Variants in XYLT1 observed in about 807,000 individuals in gnomAD.
XYLT1 encodes xylosyltransferase 1.
In XYLT1, 36 loss-of-function variants were observed where a neutral mutation model predicts 91.3. The ratio of observed to expected loss-of-function variants is 0.39; its 90% confidence interval spans 0.30 to 0.52. XYLT1 has a LOEUF of 0.52. Among genes scored for constraint, XYLT1 ranks in the 20% least tolerant of loss-of-function variants. The pLI, the probability that XYLT1 is intolerant of heterozygous loss-of-function variation, is 0.68. For missense variants in XYLT1, 1,242 were observed against 1,284.5 expected, an observed-to-expected ratio of 0.97 and a Z score of 0.51; for synonymous variants, 588 against 532.0, an observed-to-expected ratio of 1.11 and a Z score of -1.45.
Position 17,248,635 on chromosome 16 carries a change from C to CAAGCT in XYLT1, c.913+10352_913+10353insAGCTT, listed in dbSNP as rs1217009870. Among the ~76,000 whole-genome samples, 39 of 152,248 alleles carry CAAGCT rather than the reference C, an allele frequency of 2.6e-4. No individual in the cohort carries two copies. In the East Asian group the frequency reaches 3.1e-3, roughly 12 times the overall value. On this transcript the variant is annotated intron_variant, in intron 3 of 11. Coordinates refer to ENST00000261381, the MANE Select transcript of XYLT1 (RefSeq NM_022166.4). The stretch of plus-strand genomic sequence containing the variant: ...ACGATACTCCCTTGACCTGGAATGT[C>CAAGCT]CCCCTCCAGCTTTTCCTCTAGTTAA...
chr16:17,368,056 T>C (rs2035477578), intron 1 of XYLT1, among the ~76,000 whole-genome samples: 1 of 152,184 alleles, frequency 6.6e-6, no homozygotes, highest in African/African-American at 2.4e-5. Context: ...TTGTCGAAGA[T>C]ACAGGAAAAC....
At chr16:17,217,134 T>A (rs2032875644) in intron 3 of XYLT1, among the ~76,000 whole-genome samples, 1 of 152,102 alleles carries the variant, frequency 6.6e-6, no homozygotes, top group Admixed American at 6.5e-5. Flanking sequence ...TCTCAATAGA[T>A]CCCTCTCCCT....
At chr16:17,185,467 A>G (rs2032163911) in intron 5 of XYLT1, among the ~76,000 whole-genome samples, 1 of 152,216 alleles carries the variant, frequency 6.6e-6, no homozygotes, top group African/African-American at 2.4e-5. Context: ...CCCAAAGAAC[A>G]AAAGTGGTTT....
intron 6 of XYLT1, among the ~76,000 whole-genome samples, chr16:17,148,151 C>T (rs2031186129): frequency 6.6e-6 from 1 of 152,254 alleles, no homozygotes; most frequent in African/African-American, 2.4e-5. Flanking sequence ...TGTGTCTTGA[C>T]AGCCTCCTGA....
intron 2 of XYLT1, among the ~76,000 whole-genome samples, chr16:17,275,109 G>A (rs2033954647): frequency 1.3e-5 from 2 of 152,110 alleles, no homozygotes; most frequent in Admixed American, 6.6e-5. Flanking sequence ...CCTGGGAGGT[G>A]GGGGTTGTAG....
intron 3 of XYLT1, among the ~76,000 whole-genome samples, chr16:17,245,635 A>T (rs1478736545): frequency 6.6e-6 from 1 of 152,232 alleles, no homozygotes; most frequent in Admixed American, 6.5e-5. Context: ...GTTTTAAATT[A>T]CTTTATCATT....
At chr16:17,197,009 T>C (rs2032438576) in intron 5 of XYLT1, among the ~76,000 whole-genome samples, 1 of 98,376 alleles carries the variant, frequency 1.0e-5, no homozygotes, top group Admixed American at 1.1e-4. Context: ...AGACTCTGTC[T>C]CCAAAATATA....
intron 3 of XYLT1, among the ~76,000 whole-genome samples, chr16:17,249,398 C>G (rs1008836422): frequency 7.2e-5 from 11 of 152,184 alleles, no homozygotes; most frequent in African/African-American, 2.7e-4. Flanking sequence ...GAGGGCAAGA[C>G]TGAGGATTAT....
intron 10 of XYLT1, among the ~76,000 whole-genome samples, chr16:17,126,006 C>T (rs1029699324): frequency 1.3e-5 from 2 of 152,244 alleles, no homozygotes; most frequent in African/African-American, 4.8e-5. Context: ...TGGGATAGTG[C>T]TAACACCAAG....
chr16:17,374,103 T>C (rs1299478598), intron 1 of XYLT1, among the ~76,000 whole-genome samples: 2 of 152,068 alleles, frequency 1.3e-5, no homozygotes, highest in Non-Finnish European at 2.9e-5. Flanking sequence ...AAAGAATGAG[T>C]GAGAATCAAC....
intron 2 of XYLT1, among the ~76,000 whole-genome samples, chr16:17,302,902 G>C (rs2034417416): frequency 1.3e-5 from 2 of 151,904 alleles, no homozygotes; most frequent in African/African-American, 2.4e-5. Context: ...GGGTGAGGGG[G>C]AGAGAAAAGA....
At chr16:17,195,399 G>C (rs540121463) in intron 5 of XYLT1, among the ~76,000 whole-genome samples, 2 of 151,802 alleles carry the variant, frequency 1.3e-5, no homozygotes, top group African/African-American at 4.8e-5. Context: ...TATGGCCCTC[G>C]AGTTTTTCTC....
intron 3 of XYLT1, among the ~76,000 whole-genome samples, chr16:17,211,945 G>A (rs539590577): frequency 6.6e-6 from 1 of 152,336 alleles, no homozygotes; most frequent in African/African-American, 2.4e-5. Context: ...CCCACTAGGT[G>A]CCAGTAGCAC....
chr16:17,260,664 G>C (rs981156281), intron 2 of XYLT1, among the ~76,000 whole-genome samples: 1 of 152,180 alleles, frequency 6.6e-6, no homozygotes, highest in Non-Finnish European at 1.5e-5. Flanking sequence ...ACAACTGCCT[G>C]TGTTTTTTAT....
chr16:17,212,912 C>T (rs1038873650), intron 3 of XYLT1, among the ~76,000 whole-genome samples: 5 of 152,204 alleles, frequency 3.3e-5, no homozygotes, highest in African/African-American at 9.7e-5. Flanking sequence ...ATCCATCCTG[C>T]TGATGTTACC....
At chr16:17,171,696 A>G (rs2031823272) in intron 5 of XYLT1, among the ~76,000 whole-genome samples, 1 of 152,256 alleles carries the variant, frequency 6.6e-6, no homozygotes, top group East Asian at 1.9e-4. Flanking sequence ...CACATAGATC[A>G]TCGGTTTTTA....
chr16:17,145,030 C>G, intron 6 of XYLT1, among the ~76,000 whole-genome samples: 1 of 152,244 alleles, frequency 6.6e-6, no homozygotes, highest in Non-Finnish European at 1.5e-5. Context: ...AGCCACTCCC[C>G]ATTCATGCTA....
At chr16:17,450,866 C>T (rs2036657360) in intron 1 of XYLT1, among the ~76,000 whole-genome samples, 1 of 152,180 alleles carries the variant, frequency 6.6e-6, no homozygotes, top group Non-Finnish European at 1.5e-5. Flanking sequence ...CACCACCACC[C>T]TCAAAATCAA....
chr16:17,344,796 AT>A (rs2035120665), intron 2 of XYLT1, among the ~76,000 whole-genome samples: 1 of 151,170 alleles, frequency 6.6e-6, no homozygotes, highest in Admixed American at 6.6e-5. Context: ...TGCCTTCCGG[AT>A]TCAAGTGATT....
Sources: gnomAD v4.1 joint callset for allele counts (sites outside exome capture counted in the v4.1 genomes callset) on GRCh38, gnomAD v4.1.1 for gene constraint, MANE v1.5 for transcripts, NCBI Gene and HGNC (gene_info 2026-07-23, HGNC 2026-07-21) for gene names.